The following METTL22 variants were observed in gnomAD, a reference collection of about 807,000 sequenced individuals.
METTL22 encodes the protein methyltransferase 22, Kin17 lysine, also known as methyltransferase-like protein 22.
A neutral mutation model predicts 48.4 loss-of-function variants in METTL22; 51 were observed. The ratio of observed to expected loss-of-function variants is 1.05; its 90% CI spans 0.84 to 1.33. The LOEUF is 1.33. METTL22 is among the 40% of genes most tolerant of loss of function. The probability of loss-of-function intolerance (pLI) is 0.00; values close to 1 mark genes in which losing one functional copy is unlikely to be tolerated. For synonymous variants in METTL22, 255 were observed against 214.1 expected (o/e 1.19, Z -1.67); for missense variants, 678 against 526.9 (o/e 1.29, Z -2.81).
chr16:8,667,241 A>C, the METTL22 span: 3 of 151,788 alleles, frequency 2.0e-5, no homozygotes, highest in East Asian at 3.8e-4. Flanking sequence ...ATGTTAATAA[A>C]ATTAATAAAG....
the METTL22 span, among the ~76,000 whole-genome samples, chr16:8,666,325 CCA>C: frequency 6.6e-6 from 1 of 152,122 alleles, no homozygotes; most frequent in Admixed American, 6.5e-5. Context: ...CTGCAGTCAC[CCA>C]CAGTGATTAT....
chr16:8,637,344 C>G (rs879664707), intron 5 of METTL22, among the ~76,000 whole-genome samples: 64 of 152,210 alleles, frequency 4.2e-4, no homozygotes, highest in African/African-American at 1.5e-3. Flanking sequence ...TCAGTGAGCT[C>G]TTCTCAGAGT....
At chr16:8,627,523 A>G (rs1368941535) in intron 2 of METTL22, among the ~76,000 whole-genome samples, 1 of 152,124 alleles carries the variant, frequency 6.6e-6, no homozygotes, top group African/African-American at 2.4e-5. Flanking sequence ...TGGTGTGATT[A>G]TTAATAATTC....
rs1596375535 is a variant in METTL22, at chr16:8,648,405, A to G, written c.*2262A>G. 1 of 152,308 alleles carries G rather than the reference A, an allele frequency of 6.6e-6. No individual in the cohort carries two copies. Among genetic ancestry groups the G allele is most frequent in the African/African-American group, 2.4e-5 (1 of 41,442 alleles). The allele number at this position is 152,308 out of a possible 1,614,324, so 9.4% of individuals were successfully genotyped here. A position where few individuals can be genotyped will look rare whatever the true frequency, so the allele number is the denominator to read the frequency against. ...CACTTTGGGAGGCCGAGGCGGGTGG[A>G]TCACCCAAAGTCAGGAGTTCAAGAC... On this transcript the variant is annotated 3_prime_UTR_variant, in exon 11 of 11. Coordinates refer to ENST00000381920, the MANE Select transcript of METTL22 (RefSeq NM_024109.4).
At chr16:8,666,417 C>G in the METTL22 span, among the ~76,000 whole-genome samples, 352 of 152,318 alleles carry the variant, frequency 2.3e-3, no homozygotes, top group African/African-American at 8.2e-3. Flanking sequence ...AAATAAAGCA[C>G]TCAAATCTTT....
chr16:8,625,707 C>T lies in METTL22; in HGVS notation c.42C>T (p.Thr14=). Residue 14 remains threonine, a synonymous_variant, in exon 2 of 11, where the codon ACC becomes ACT. Coordinates refer to ENST00000381920, the MANE Select transcript of METTL22 (RefSeq NM_024109.4). ...LAPAAAMDEV[T]FRSDTVLSDV... ...CTGCGGCAGCCATGGACGAGGTCAC[C>T]TTTAGGAGCGACACTGTGCTGTCAG... 6.2e-7 allele frequency: 1 copy of T among 1,614,194 alleles called. No individual in the cohort carries two copies.
At position 8,648,939 on chromosome 16, in the gene METTL22, A is replaced by G. The variant is rs1479651739; in HGVS notation, c.*2796A>G. ...CCTATTGCTGTTTTCTAAAATTCCT[A>G]CACAAACTCCGTTCCTGACAGACTT... is the stretch of plus-strand genomic sequence containing the variant. On this transcript the variant is annotated 3_prime_UTR_variant, in exon 11 of 11. Coordinates refer to ENST00000381920, the MANE Select transcript of METTL22 (RefSeq NM_024109.4). 2 of 152,262 alleles carry G rather than the reference A, an allele frequency of 1.3e-5. No individual in the cohort carries two copies. Among genetic ancestry groups the G allele is most frequent in the Non-Finnish European group, 2.9e-5 (2 of 68,084 alleles). The allele number at this position is 152,262 out of a possible 1,614,324, so 9.4% of individuals were successfully genotyped here.
At chr16:8,641,446 G>A (rs1322032619) in intron 7 of METTL22, 2 of 590,486 alleles carry the variant, frequency 3.4e-6, no homozygotes, top group South Asian at 3.0e-5. Flanking sequence ...TCCCTGAATT[G>A]TGAGTGCAGA....
At chr16:8,641,557 G>A (rs973287478) in intron 7 of METTL22, 81 of 491,030 alleles carry the variant, frequency 1.6e-4, no homozygotes, top group Non-Finnish European at 1.2e-5. Flanking sequence ...GTGGTGCCAG[G>A]AAACCCCCCG....
chr16:8,635,454 C>T (rs2141748316), intron 5 of METTL22, 142 bp downstream of exon 5: 1 of 1,014,578 alleles, frequency 9.9e-7, no homozygotes, highest in African/African-American at 1.6e-5. Context: ...TGGCCCTCTC[C>T]ACTCTCCATT....
At chr16:8,637,608 G>A (rs567699092) in intron 5 of METTL22, among the ~76,000 whole-genome samples, 1 of 152,224 alleles carries the variant, frequency 6.6e-6, no homozygotes, top group Admixed American at 6.5e-5. Context: ...CACAGCTGCT[G>A]ATGAGACCCG....
chr16:8,629,700 G>A (rs1420552240), intron 3 of METTL22, among the ~76,000 whole-genome samples: 1 of 152,154 alleles, frequency 6.6e-6, no homozygotes, highest in Non-Finnish European at 1.5e-5. Context: ...ATACTCAGAG[G>A]TGGGATCAAA....
chr16:8,627,014 C>T (rs923820158), intron 2 of METTL22, among the ~76,000 whole-genome samples: 7 of 152,166 alleles, frequency 4.6e-5, no homozygotes, highest in Admixed American at 4.6e-4. Flanking sequence ...TGCCGCCCGC[C>T]TCGGCCTCCC....
intron 6 of METTL22, among the ~76,000 whole-genome samples, 177 bp from the exon 7 acceptor site, chr16:8,640,954 A>ATGGG (rs1555475042): frequency 2.1e-4 from 7 of 32,928 alleles, no homozygotes; most frequent in South Asian, 1.8e-3. Context: ...GGGTGGGTGG[A>ATGGG]TGGCTGGCTG....
chr16:8,649,962 A>T (rs2056870188), downstream of METTL22, among the ~76,000 whole-genome samples: 1 of 152,186 alleles, frequency 6.6e-6, no homozygotes, highest in Non-Finnish European at 1.5e-5. Flanking sequence ...CTCCCGGGTG[A>T]TGCTGATGAT....
the METTL22 span, chr16:8,667,180 C>T: frequency 1.1e-3 from 164 of 152,168 alleles, no homozygotes; most frequent in African/African-American, 3.8e-3. Context: ...CTTGCTTTCT[C>T]AGTGGGGAAG....
intron 1 of METTL22, chr16:8,623,838 G>T (rs957652465): frequency 6.6e-6 from 1 of 152,172 alleles, no homozygotes; most frequent in Non-Finnish European, 1.5e-5. Flanking sequence ...GAGTCATGAT[G>T]ACCTCATTTT....
At chr16:8,643,344 A>C (rs1475260158) in intron 9 of METTL22, among the ~76,000 whole-genome samples, 1 of 152,212 alleles carries the variant, frequency 6.6e-6, no homozygotes, top group African/African-American at 2.4e-5. Flanking sequence ...GATTTCATAA[A>C]CTGTAAAGGA....
intron 5 of METTL22, among the ~76,000 whole-genome samples, chr16:8,635,533 A>G (rs575577761): frequency 2.0e-5 from 3 of 152,294 alleles, no homozygotes; most frequent in Admixed American, 6.5e-5. Context: ...CAGTGGCTAT[A>G]AGGCCATTGA....
Sources: allele counts gnomAD v4.1 joint callset (sites outside exome capture counted in the v4.1 genomes callset), GRCh38; gene constraint gnomAD v4.1.1; transcripts MANE v1.5; gene names NCBI Gene and HGNC (gene_info 2026-07-23, HGNC 2026-07-21).